LMOD3: variants seen among roughly 807,000 people sequenced by gnomAD.
LMOD3 encodes the protein leiomodin-3.
In LMOD3, 31 loss-of-function variants were observed where a neutral mutation model predicts 41.8. The ratio of observed to expected loss-of-function variants is 0.74; its 90% confidence interval spans 0.56 to 1.00. The LOEUF (loss-of-function observed/expected upper bound fraction) is 1.00. LMOD3 is among the 50% of genes least tolerant of loss of function. LMOD3 has a pLI of 0.00. For synonymous variants in LMOD3, 292 were observed against 241.9 expected (o/e 1.21, Z -1.92); for missense variants, 755 against 679.5 (o/e 1.11, Z -1.23).
intron 2 of LMOD3, among the ~76,000 whole-genome samples, chr3:69,110,852 AAATAT>A (rs1559658110): frequency 7.5e-6 from 1 of 132,710 alleles, no homozygotes; most frequent in Non-Finnish European, 1.6e-5. Flanking sequence ...AAAAAAAAAA[AAATAT>A]ATATATATAT....
intron 2 of LMOD3, among the ~76,000 whole-genome samples, chr3:69,110,266 G>A (rs1014715506): frequency 7.3e-5 from 11 of 151,688 alleles, no homozygotes; most frequent in South Asian, 2.1e-4. Context: ...GTCTTACTCT[G>A]TCACCCAGGC....
Position 69,107,922 on chromosome 3 carries a change from T to C in LMOD3, c.*1173A>G, listed in dbSNP as rs2092330649. The C allele has an allele frequency of 6.6e-6, 1 of 152,188 alleles. No homozygotes were observed. The highest frequency in any genetic ancestry group is 2.1e-4 in the South Asian group (1 of 4,830). The allele number at this position is 152,188 out of a possible 1,614,324, so 9.4% of individuals were successfully genotyped here. A position where few individuals can be genotyped will look rare whatever the true frequency, so the allele number is the denominator to read the frequency against. ...CAGATTGGAGTTGTCTGGAAAATTT[T>C]TTATGGAGGACACAGGATCTGACCC... On this transcript the variant is annotated 3_prime_UTR_variant, in exon 3 of 3. Transcript: ENST00000420581.
In LMOD3 at chr3:69,118,826, T is replaced by G. The variant is rs538402410; in HGVS notation, c.1529A>C (p.Asn510Thr). The change falls in exon 2 of 3, where the codon AAC becomes ACC. Residue 510 changes from asparagine to threonine, a missense_variant. Asn to Thr is a moderately conservative substitution (Grantham distance 65). Transcript: ENST00000420581. ...GAGCGTTTTGATGACATCTTTGAGG[T>G]TGGTTTTCTCGGGTGGTTCTCTGGC... ...PEAREPPEKT[N>T]LKDVIKTLKP... 5.3e-5 allele frequency: 85 copies of G among 1,610,186 alleles called. 1 individual carries two copies. In the South Asian group the frequency reaches 8.4e-4, roughly 16 times the overall value.
rs114228075 is a variant in LMOD3 at position 69,109,250 on chromosome 3, T to C, written c.1657-129A>G. On this transcript the variant is annotated intron_variant, in intron 2 of 2. Coordinates refer to ENST00000420581, the MANE Select transcript of LMOD3 (RefSeq NM_198271.5). ...GGTTTGAAATTCTGGCCAAAGCACC[T>C]CCAAAATCAAGATAAAACAACAATC... is the stretch of plus-strand genomic sequence containing the variant. 5,242 of 772,552 alleles carry C rather than the reference T, an allele frequency of 6.8e-3. 44 individuals are homozygous for C. The highest frequency in any genetic ancestry group is 0.046 in the Middle Eastern group (148 of 3,194). The allele number at this position is 772,552 out of a possible 1,614,324, so 47.9% of individuals were successfully genotyped here.
chr3:69,114,774 G>T (rs1453173328), intron 2 of LMOD3, among the ~76,000 whole-genome samples: 1 of 152,204 alleles, frequency 6.6e-6, no homozygotes, highest in East Asian at 1.9e-4. Context: ...TGGGATCACA[G>T]GTGTGAGCCA....
intron 2 of LMOD3, among the ~76,000 whole-genome samples, chr3:69,109,780 C>T (rs555036515): frequency 9.6e-4 from 146 of 152,050 alleles, no homozygotes; most frequent in African/African-American, 3.4e-3. Context: ...TCACTTGCTT[C>T]GGACTCTCAA....
intron 2 of LMOD3, among the ~76,000 whole-genome samples, chr3:69,117,170 G>T (rs1481612539): frequency 3.9e-5 from 6 of 152,176 alleles, no homozygotes; most frequent in Non-Finnish European, 8.8e-5. Flanking sequence ...GACCTCATGT[G>T]ACCTCCAGCG....
rs1321472320 is a variant in LMOD3 at position 69,106,435 on chromosome 3, A to G, written c.*2660T>C. Among the ~76,000 whole-genome samples the G allele has an allele frequency of 6.6e-6, 1 of 152,222 alleles. No individual in the cohort carries two copies. Among genetic ancestry groups the G allele is most frequent in the Non-Finnish European group, 1.5e-5 (1 of 68,038 alleles). ...AATAACAGAAAAATGTAACATATAA[A>G]TGTTGTAAATTATGATTACATTTAA... On this transcript the variant is annotated 3_prime_UTR_variant, in exon 3 of 3. Transcript: ENST00000420581.
At chr3:69,109,181 C>T in intron 2 of LMOD3, 60 bp from the exon 3 acceptor site, 2 of 1,529,754 alleles carry the variant, frequency 1.3e-6, no homozygotes, top group Non-Finnish European at 1.8e-6. Flanking sequence ...AAGAGCTTTG[C>T]AGCAAAATTT....
Position 69,118,746 on chromosome 3 carries a change from G to C in LMOD3, c.1609C>G (p.Gln537Glu). ...PPLVEITPRD[Q>E]LLNDIRHSSV... ...CTGTGACGAATGTCGTTTAGCAGCT[G>C]ATCTCTGGGAGTGATTTCCACCAAT... is the stretch of plus-strand genomic sequence containing the variant. Residue 537 changes from glutamine to glutamate, a missense_variant, in exon 2 of 3, where the codon CAG (glutamine) becomes GAG (glutamate). Gln to Glu is a conservative substitution (Grantham distance 29). Coordinates refer to ENST00000420581, the MANE Select transcript of LMOD3 (RefSeq NM_198271.5). 6.2e-7 allele frequency: 1 copy of C among 1,612,668 alleles called. No homozygotes were observed. The highest frequency in any genetic ancestry group is 8.5e-7 in the Non-Finnish European group (1 of 1,179,626).
At chr3:69,118,287 T>C (rs993067269) in intron 2 of LMOD3, among the ~76,000 whole-genome samples, 1 of 152,164 alleles carries the variant, frequency 6.6e-6, no homozygotes, top group African/African-American at 2.4e-5. Flanking sequence ...CGGGTTTCAA[T>C]GTCAGCTCTA....
intron 2 of LMOD3, among the ~76,000 whole-genome samples, chr3:69,114,274 G>C (rs1225138583): frequency 1.3e-5 from 2 of 152,110 alleles, no homozygotes; most frequent in Non-Finnish European, 2.9e-5. Flanking sequence ...TGATACCCAA[G>C]CTAAATAAAG....
chr3:69,108,040 A>C lies in LMOD3; in HGVS notation c.*1055T>G, dbSNP rs2092331005. 6.6e-6 allele frequency: 1 copy of C among 152,218 alleles called. No homozygotes were observed. The highest frequency in any genetic ancestry group is 2.4e-5 in the African/African-American group (1 of 41,468). 9.4% of individuals were successfully genotyped at this position (152,218 alleles called of 1,614,324 possible). A position where few individuals can be genotyped will look rare whatever the true frequency, so the allele number is the denominator to read the frequency against. ...TGCGAGCAAAGGCACAAGGGTGTGC[A>C]CAAGGATGTTTCATCGAGTAGAGTA... On this transcript the variant is annotated 3_prime_UTR_variant, in exon 3 of 3. Coordinates refer to ENST00000420581, the MANE Select transcript of LMOD3 (RefSeq NM_198271.5).
Position 69,119,609 on chromosome 3 carries a change from C to T in LMOD3, c.746G>A (p.Arg249Lys), listed in dbSNP as rs2092396761. The T allele has an allele frequency of 1.2e-6, 2 of 1,613,762 alleles. No individual in the cohort carries two copies. Among genetic ancestry groups the T allele is most frequent in the African/African-American group, 2.7e-5 (2 of 75,042 alleles). ...TDLDGSLRRV[R>K]KNDPDMKELN... ...TTCCTTCATGTCAGGATCATTTTTC[C>T]TAACTCTCCTCAAGCTCCCATCCAG... Residue 249 changes from arginine to lysine, a missense_variant, in exon 2 of 3, where the codon AGG (arginine) becomes AAG (lysine). By Grantham distance (26) the Arg-to-Lys change is conservative (BLOSUM62 2). Transcript: ENST00000420581.
In LMOD3 at chr3:69,115,519, A is replaced by ACACACACACAC. The variant is rs764920392; in HGVS notation, c.1656+3179_1656+3180insGTGTGTGTGTG. Among the ~76,000 whole-genome samples the ACACACACACAC allele has an allele frequency of 5.7e-3, 816 of 143,392 alleles. 14 individuals are homozygous for ACACACACACAC. Among genetic ancestry groups the ACACACACACAC allele is most frequent in the African/African-American group, 0.02 (737 of 36,336 alleles). 94.1% of individuals were successfully genotyped at this position (143,392 alleles called of 152,430 possible). On this transcript the variant is annotated intron_variant, in intron 2 of 2. Coordinates refer to ENST00000420581, the MANE Select transcript of LMOD3 (RefSeq NM_198271.5). ...ACACACACACACACACACACACACA[A>ACACACACACAC]AACTTTTCTAAGAAAAAAATTTGTT... is the stretch of plus-strand genomic sequence containing the variant.
At position 69,119,162 on chromosome 3, in the gene LMOD3, C is replaced by T; in HGVS notation, c.1193G>A (p.Arg398Lys). The T allele has an allele frequency of 6.2e-7, 1 of 1,613,752 alleles. No individual in the cohort carries two copies. Among genetic ancestry groups the T allele is most frequent in the Non-Finnish European group, 8.5e-7 (1 of 1,179,816 alleles). ...TTTTTGCTCTTCCTGTCGTTTCTGC[C>T]TTTGTTTATCCTGATTCCTGGTGAG... The part of the protein sequence containing the change: ...NLLTRNQDKQ[R>K]QKRQEEQKQQ... The change falls in exon 2 of 3, where the codon AGG (arginine) becomes AAG (lysine). Residue 398 changes from arginine to lysine, a missense_variant. Arg to Lys is a conservative substitution (Grantham distance 26, BLOSUM62 2). Coordinates refer to ENST00000420581, the MANE Select transcript of LMOD3 (RefSeq NM_198271.5).
chr3:69,113,563 G>A lies in LMOD3; in HGVS notation c.1657-4442C>T, dbSNP rs1016874198. Among the ~76,000 whole-genome samples, 8 of 152,266 alleles carry A rather than the reference G, an allele frequency of 5.3e-5. No individual in the cohort carries two copies. In the South Asian group the frequency reaches 6.2e-4, roughly 12 times the overall value. On this transcript the variant is annotated intron_variant, in intron 2 of 2. Transcript: ENST00000420581. The stretch of plus-strand genomic sequence containing the variant: ...ATGGAGTCTTTTGATGTACTAAGGC[G>A]GCCCATGATATTATTATACTGAAGT...
In LMOD3 at chr3:69,115,483, AACAC is replaced by A. The variant is rs10604147; in HGVS notation, c.1656+3212_1656+3215del. On this transcript the variant is annotated intron_variant, in intron 2 of 2. Coordinates refer to ENST00000420581, the MANE Select transcript of LMOD3 (RefSeq NM_198271.5). ...GGTGATAGAGTGAGATCCTGCCTCA[AACAC>A]ACACACACACACACACACACACACA... Among the ~76,000 whole-genome samples, 255 of 144,974 alleles carry A rather than the reference AACAC, an allele frequency of 1.8e-3. 2 individuals are homozygous for A. The highest frequency in any genetic ancestry group is 7.0e-3 in the Middle Eastern group (2 of 284).
rs140456468 is a variant in LMOD3 at position 69,109,620 on chromosome 3, C to T, written c.1657-499G>A. On this transcript the variant is annotated intron_variant, in intron 2 of 2. Coordinates refer to ENST00000420581, the MANE Select transcript of LMOD3 (RefSeq NM_198271.5). ...TTGGCTCACTGCAACCTCCAACTCCCGGGTTCAAGCGATTCTCCTGCCTCA... is the reference window on the plus strand; with the variant it reads ...TTGGCTCACTGCAACCTCCAACTCCTGGGTTCAAGCGATTCTCCTGCCTCA... Among the ~76,000 whole-genome samples the T allele has an allele frequency of 1.9e-3, 279 of 150,464 alleles. 5 individuals carry two copies. In the East Asian group the frequency reaches 0.05, roughly 27 times the overall value.
Sources: gnomAD v4.1 joint callset for allele counts (sites outside exome capture counted in the v4.1 genomes callset) on GRCh38, gnomAD v4.1.1 for gene constraint, MANE v1.5 for transcripts, NCBI Gene and HGNC (gene_info 2026-07-23, HGNC 2026-07-21) for gene names.